KRAS: variants seen among roughly 807,000 people sequenced by gnomAD.
KRAS encodes the protein GTPase KRas.
KRAS carries 1 observed loss-of-function variant against 21.0 expected under a neutral mutation model. That is an observed-to-expected ratio of 0.05 (90% confidence interval 0.02 to 0.23). The LOEUF (loss-of-function observed/expected upper bound fraction) is 0.23. KRAS is among the 10% of genes least tolerant of loss of function. The probability of loss-of-function intolerance (pLI) is 1.00; values close to 1 mark genes in which losing one functional copy is unlikely to be tolerated. For synonymous variants in KRAS, 67 were observed against 72.5 expected (o/e 0.92, Z 0.39); for missense variants, 107 against 221.8 (o/e 0.48, Z 3.29).
At chr12:25,235,448 C>G (rs1951532122) in intron 2 of KRAS, among the ~76,000 whole-genome samples, 1 of 152,188 alleles carries the variant, frequency 6.6e-6, no homozygotes, top group South Asian at 2.1e-4. Context: ...CTACCCACAT[C>G]AGTCTCCCTT....
intron 4 of KRAS, among the ~76,000 whole-genome samples, chr12:25,211,448 G>C (rs1951199458): frequency 6.6e-6 from 1 of 151,994 alleles, no homozygotes; most frequent in African/African-American, 2.4e-5. Flanking sequence ...GGTAGCAGGT[G>C]CCTGTAATCC....
chr12:25,217,103 A>T (rs1951264449), intron 4 of KRAS, among the ~76,000 whole-genome samples: 1 of 152,216 alleles, frequency 6.6e-6, no homozygotes, highest in Admixed American at 6.5e-5. Flanking sequence ...AAGTGGACCT[A>T]GCACCTAAAA....
intron 1 of KRAS, among the ~76,000 whole-genome samples, chr12:25,250,303 G>C (rs936538293): frequency 2.6e-5 from 4 of 152,020 alleles, no homozygotes; most frequent in African/African-American, 7.3e-5. Context: ...GACCGAGGCA[G>C]CCGAGTGCTG....
rs150567934 is a variant in KRAS at position 25,244,155 on chromosome 12, C to A, written c.111+1119G>T. 1.2e-4 allele frequency among the ~76,000 whole-genome samples: 19 copies of A among 152,250 alleles called. No individual in the cohort carries two copies. In the East Asian group the frequency reaches 3.7e-3, roughly 29 times the overall value. ...CAAAGTGTCTCTTCAAGACACTACACAGTACAGTACGTTAATAAGGCACTT... is the reference window on the plus strand; with the variant it reads ...CAAAGTGTCTCTTCAAGACACTACAAAGTACAGTACGTTAATAAGGCACTT... On this transcript the variant is annotated intron_variant, in intron 2 of 4. Transcript: ENST00000311936.
At chr12:25,222,402 T>A (rs1422167860) in intron 4 of KRAS, among the ~76,000 whole-genome samples, 1 of 152,090 alleles carries the variant, frequency 6.6e-6, no homozygotes, top group Non-Finnish European at 1.5e-5. Context: ...TTAATAAGAC[T>A]TTTGAAAGGC....
At chr12:25,249,385 G>C (rs1002331143) in intron 1 of KRAS, among the ~76,000 whole-genome samples, 2 of 146,334 alleles carry the variant, frequency 1.4e-5, no homozygotes, top group Non-Finnish European at 3.0e-5. Flanking sequence ...CAACAGAGCA[G>C]ATGGAGACCA....
chr12:25,211,765 A>G (rs1951202327), intron 4 of KRAS, among the ~76,000 whole-genome samples: 2 of 152,220 alleles, frequency 1.3e-5, no homozygotes, highest in Non-Finnish European at 2.9e-5. Flanking sequence ...TAGAATGGGA[A>G]TAAGAGGCTA....
intron 3 of KRAS, 100 bp from the exon 4 acceptor site, chr12:25,225,873 AAT>A: frequency 8.9e-7 from 1 of 1,121,818 alleles, no homozygotes; most frequent in African/African-American, 1.5e-5. Flanking sequence ...GAAAGAAAAC[AAT>A]GTAATTCCTA....
Position 25,207,119 on chromosome 12 carries a change from T to G in KRAS, c.*2676A>C. ...CTGGGTCGTATACCAAAGGCCTTAG[T>G]AAGATATTACAGACCACACTAGCAC... On this transcript the variant is annotated 3_prime_UTR_variant, in exon 5 of 5. Coordinates refer to ENST00000311936, the MANE Select transcript of KRAS (RefSeq NM_004985.5). 4.7e-6 allele frequency: 1 copy of G among 212,766 alleles called. No homozygotes were observed. The highest frequency in any genetic ancestry group is 9.5e-6 in the Non-Finnish European group (1 of 105,128). The allele number at this position is 212,766 out of a possible 1,614,324, so 13.2% of individuals were successfully genotyped here. A position where few individuals can be genotyped will look rare whatever the true frequency, so the allele number is the denominator to read the frequency against.
chr12:25,249,687 T>C (rs1189611880), intron 1 of KRAS, among the ~76,000 whole-genome samples: 1 of 151,302 alleles, frequency 6.6e-6, no homozygotes, highest in African/African-American at 2.4e-5. Flanking sequence ...TAAAAAATCA[T>C]GTAAGTGCTG....
At position 25,205,492 on chromosome 12, in the gene KRAS, A is replaced by T. The variant is rs1291260051; in HGVS notation, c.*4303T>A. 1 of 216,844 alleles carries T rather than the reference A, an allele frequency of 4.6e-6. No homozygotes were observed. Among genetic ancestry groups the T allele is most frequent in the Non-Finnish European group, 9.3e-6 (1 of 107,554 alleles). 13.4% of individuals were successfully genotyped at this position (216,844 alleles called of 1,614,324 possible). A position where few individuals can be genotyped will look rare whatever the true frequency, so the allele number is the denominator to read the frequency against. On this transcript the variant is annotated 3_prime_UTR_variant, in exon 5 of 5. Coordinates refer to ENST00000311936, the MANE Select transcript of KRAS (RefSeq NM_004985.5). ...CACAAAAGAAAGCACAATGTACAAA[A>T]TGTGCATGTTTCAGTTTACACTATA...
At chr12:25,211,054 A>C (rs750761371) in intron 4 of KRAS, 2 of 152,190 alleles carry the variant, frequency 1.3e-5, no homozygotes, top group Non-Finnish European at 2.9e-5. Context: ...TATAAAAAGA[A>C]AATCTGTTAA....
At chr12:25,250,134 T>A (rs1441655292) in intron 1 of KRAS, among the ~76,000 whole-genome samples, 1 of 151,766 alleles carries the variant, frequency 6.6e-6, no homozygotes, top group Non-Finnish European at 1.5e-5. Context: ...CCTCAAACAG[T>A]GGTCTCTAAG....
At position 25,225,291 on chromosome 12, in the gene KRAS, TATATATATATATATA is replaced by T. The variant is rs1565883959; in HGVS notation, c.450+308_450+322del. 0.11 allele frequency: 15,351 copies of T among 136,920 alleles called. 2,002 individuals are homozygous for T. The highest frequency in any genetic ancestry group is 0.22 in the African/African-American group (7,889 of 35,992). The allele number at this position is 136,920 out of a possible 1,614,324, so 8.5% of individuals were successfully genotyped here. A position where few individuals can be genotyped will look rare whatever the true frequency, so the allele number is the denominator to read the frequency against. The stretch of plus-strand genomic sequence containing the variant: ...AAAATTTGTTGCCCTGTTCTTTATA[TATATATATATATATA>T]TATATATATATATATATATATATAT... On this transcript the variant is annotated intron_variant, in intron 4 of 4. Coordinates refer to ENST00000311936, the MANE Select transcript of KRAS (RefSeq NM_004985.5).
intron 4 of KRAS, among the ~76,000 whole-genome samples, chr12:25,223,581 C>T (rs2141501739): frequency 6.6e-6 from 1 of 152,236 alleles, no homozygotes; most frequent in African/African-American, 2.4e-5. Context: ...TAGAGAAATT[C>T]AGTTTTTAAT....
intron 1 of KRAS, among the ~76,000 whole-genome samples, chr12:25,247,196 T>G (rs1951695572): frequency 6.6e-6 from 1 of 152,152 alleles, no homozygotes; most frequent in South Asian, 2.1e-4. Flanking sequence ...AACTATTTAT[T>G]ATAGGATGAG....
Position 25,212,261 on chromosome 12 carries a change from T to C in KRAS, c.451-2350A>G, listed in dbSNP as rs148309341. On this transcript the variant is annotated intron_variant, in intron 4 of 4. Coordinates refer to ENST00000311936, the MANE Select transcript of KRAS (RefSeq NM_004985.5). ...CTTTTACAATGAAGAAAAATGCCAATGGTACTAAAATGGTAAAGCAGAAAA... is the reference window on the plus strand; with the variant it reads ...CTTTTACAATGAAGAAAAATGCCAACGGTACTAAAATGGTAAAGCAGAAAA... Among the ~76,000 whole-genome samples the C allele has an allele frequency of 2.8e-3, 431 of 152,292 alleles. 6 individuals are homozygous for C. In the East Asian group the frequency reaches 0.034, roughly 12 times the overall value.
At chr12:25,222,081 G>A (rs755622748) in intron 4 of KRAS, among the ~76,000 whole-genome samples, 7 of 151,442 alleles carry the variant, frequency 4.6e-5, no homozygotes, top group Middle Eastern at 3.4e-3. Flanking sequence ...CCCGGGAGGC[G>A]GAGCCTGCAG....
chr12:25,222,329 G>A (rs977821777), intron 4 of KRAS, among the ~76,000 whole-genome samples: 3 of 151,970 alleles, frequency 2.0e-5, no homozygotes, highest in South Asian at 2.1e-4. Flanking sequence ...ACAGTTACTC[G>A]GAATAGCTCT....
Sources: gnomAD v4.1 joint callset for allele counts (sites outside exome capture counted in the v4.1 genomes callset) on GRCh38, gnomAD v4.1.1 for gene constraint, MANE v1.5 for transcripts, NCBI Gene and HGNC (gene_info 2026-07-23, HGNC 2026-07-21) for gene names.